Variants in VMP1 observed in about 807,000 individuals in gnomAD.
The protein encoded by VMP1 is ectopic P-granules autophagy protein 3 homolog.
In VMP1, 11 loss-of-function variants were observed where a neutral mutation model predicts 56.0. The ratio of observed to expected loss-of-function variants is 0.20; its 90% CI spans 0.12 to 0.32. VMP1 has a LOEUF of 0.32. Ranked by LOEUF, VMP1 falls within the 10% of genes least tolerant of loss-of-function variation. The pLI, the probability that VMP1 is intolerant of heterozygous loss-of-function variation, is 1.00. For synonymous variants in VMP1, 149 were observed against 165.0 expected (o/e 0.90, Z 0.74); for missense variants, 296 against 490.3 (o/e 0.60, Z 3.74).
intron 8 of VMP1, among the ~76,000 whole-genome samples, chr17:59,811,293 GAA>G (rs1287931935): frequency 6.6e-6 from 1 of 152,078 alleles, no homozygotes; most frequent in Admixed American, 6.6e-5. Context: ...CCTCACCTTA[GAA>G]AACAGCCACC....
At chr17:59,719,744 T>C (rs2034320592) in intron 1 of VMP1, among the ~76,000 whole-genome samples, 1 of 152,160 alleles carries the variant, frequency 6.6e-6, no homozygotes, top group Non-Finnish European at 1.5e-5. Flanking sequence ...TTAAAATGAA[T>C]GGAGTATTAT....
Position 59,729,478 on chromosome 17 carries a change from CAAA to C in VMP1, c.-26-1926_-26-1924del, listed in dbSNP as rs1222683335. 1.6e-4 allele frequency among the ~76,000 whole-genome samples: 7 copies of C among 44,624 alleles called. 1 individual carries two copies. In the Admixed American group the frequency reaches 1.7e-3, roughly 11 times the overall value. The allele number at this position is 44,624 out of a possible 152,430, so 29.3% of individuals were successfully genotyped here. On this transcript the variant is annotated intron_variant, in intron 1 of 11. Coordinates refer to ENST00000262291, the MANE Select transcript of VMP1 (RefSeq NM_030938.5). ...AGCCTGAGCGACAGAGACTCCATCT[CAAA>C]AAAAAAAAAAAAAAAACCTTTGGTC... is the stretch of plus-strand genomic sequence containing the variant.
At chr17:59,825,128 C>T (rs935291309) in intron 10 of VMP1, among the ~76,000 whole-genome samples, 1 of 137,132 alleles carries the variant, frequency 7.3e-6, no homozygotes, top group African/African-American at 2.7e-5. Context: ...GTTCTATTGC[C>T]CAGGCTGGAG....
chr17:59,781,602 G>A (rs1397795024), intron 7 of VMP1, among the ~76,000 whole-genome samples: 3 of 151,942 alleles, frequency 2.0e-5, no homozygotes. Context: ...AAATCATATT[G>A]TTTGTTGTTT....
At chr17:59,746,702 A>G (rs2035436624) in intron 5 of VMP1, among the ~76,000 whole-genome samples, 3 of 152,208 alleles carry the variant, frequency 2.0e-5, no homozygotes, top group African/African-American at 7.2e-5. Flanking sequence ...ACAAGTTAAG[A>G]TACTGTTTAT....
chr17:59,796,133 A>T (rs2037430714), intron 7 of VMP1, among the ~76,000 whole-genome samples: 1 of 152,112 alleles, frequency 6.6e-6, no homozygotes, highest in Admixed American at 6.6e-5. Flanking sequence ...CTCTGCTTCC[A>T]TACACATACC....
chr17:59,822,059 C>G (rs2038473615), intron 10 of VMP1, among the ~76,000 whole-genome samples: 1 of 151,970 alleles, frequency 6.6e-6, no homozygotes, highest in African/African-American at 2.4e-5. Flanking sequence ...CCAGGCTGAT[C>G]TCAAGCTCCT....
At chr17:59,818,732 C>G (rs1028570989) in intron 10 of VMP1, among the ~76,000 whole-genome samples, 1 of 151,902 alleles carries the variant, frequency 6.6e-6, no homozygotes, top group South Asian at 2.1e-4. Flanking sequence ...GAGCGAAACT[C>G]CATCCCAAAA....
chr17:59,771,018 C>T (rs1423028526), intron 6 of VMP1, among the ~76,000 whole-genome samples: 4 of 150,582 alleles, frequency 2.7e-5, no homozygotes, highest in Non-Finnish European at 4.4e-5. Context: ...TAGGAATACA[C>T]TCCATAGCCT....
intron 9 of VMP1, among the ~76,000 whole-genome samples, chr17:59,817,189 G>A (rs543799172): frequency 1.8e-4 from 26 of 144,894 alleles, no homozygotes; most frequent in Middle Eastern, 3.6e-3. Context: ...CAGGAGAATC[G>A]CTTGAACCCG....
intron 5 of VMP1, among the ~76,000 whole-genome samples, chr17:59,758,047 C>A (rs1488401790): frequency 6.6e-6 from 1 of 151,574 alleles, no homozygotes; most frequent in East Asian, 1.9e-4. Context: ...CTCCATGTTA[C>A]CCAGGCTGGT....
chr17:59,811,578 A>G (rs2038052259), intron 8 of VMP1, 92 bp from the exon 9 acceptor site: 5 of 919,996 alleles, frequency 5.4e-6, no homozygotes, highest in Admixed American at 4.0e-5. Context: ...CAGTGTAAGC[A>G]GGCTGAAAGC....
At chr17:59,721,024 C>G (rs928912230) in intron 1 of VMP1, among the ~76,000 whole-genome samples, 3 of 147,846 alleles carry the variant, frequency 2.0e-5, no homozygotes, top group Admixed American at 6.8e-5. Context: ...TGAGAGTCCC[C>G]CAAAGCAAAA....
chr17:59,812,044 T>G (rs2645488), intron 9 of VMP1, among the ~76,000 whole-genome samples: 65,633 of 151,164 alleles, frequency 0.43, 16,815 homozygotes, highest in African/African-American at 0.72. Flanking sequence ...TTTGTCCTGT[T>G]TAACTATTTA....
At chr17:59,802,568 G>A (rs968364881) in intron 7 of VMP1, among the ~76,000 whole-genome samples, 4 of 152,032 alleles carry the variant, frequency 2.6e-5, no homozygotes, top group Non-Finnish European at 4.4e-5. Flanking sequence ...TACATGTTTA[G>A]GGATTTTCTG....
At chr17:59,823,070 G>T (rs1317950339) in intron 10 of VMP1, among the ~76,000 whole-genome samples, 1 of 152,088 alleles carries the variant, frequency 6.6e-6, no homozygotes, top group Non-Finnish European at 1.5e-5. Flanking sequence ...AGGCGACAGA[G>T]TGAGACCCTG....
At chr17:59,803,387 C>T (rs1346108319) in intron 7 of VMP1, among the ~76,000 whole-genome samples, 1 of 152,198 alleles carries the variant, frequency 6.6e-6, no homozygotes, top group South Asian at 2.1e-4. Context: ...ATGTTTCTTG[C>T]GTCTCCTGTT....
intron 2 of VMP1, among the ~76,000 whole-genome samples, chr17:59,734,377 C>T (rs572110147): frequency 8.5e-5 from 13 of 152,242 alleles, no homozygotes; most frequent in Non-Finnish European, 1.9e-4. Context: ...TGAATCAGGT[C>T]TTAGGCTGGA....
At chr17:59,816,580 C>T (rs1386098463) in intron 9 of VMP1, among the ~76,000 whole-genome samples, 2 of 151,544 alleles carry the variant, frequency 1.3e-5, no homozygotes, top group Non-Finnish European at 2.9e-5. Flanking sequence ...CTGAGGTGGG[C>T]AGATCACGAG....
Sources: allele counts gnomAD v4.1 joint callset (sites outside exome capture counted in the v4.1 genomes callset), GRCh38; gene constraint gnomAD v4.1.1; transcripts MANE v1.5; gene names NCBI Gene and HGNC (gene_info 2026-07-23, HGNC 2026-07-21).